TENT4B: variants seen among roughly 807,000 people sequenced by gnomAD.
TENT4B encodes PAP associated domain containing 5.
In TENT4B, 10 loss-of-function variants were observed where a neutral mutation model predicts 75.0. That is an observed-to-expected ratio of 0.13 (90% confidence interval 0.08 to 0.23). The LOEUF is 0.23. Ranked by LOEUF, TENT4B falls within the 10% of genes least tolerant of loss-of-function variation. The pLI is 1.00. For synonymous variants in TENT4B, 350 were observed against 357.7 expected, an observed-to-expected ratio of 0.98 and a Z score of 0.24; for missense variants, 579 against 893.8, an observed-to-expected ratio of 0.65 and a Z score of 4.49.
intron 1 of TENT4B, among the ~76,000 whole-genome samples, chr16:50,207,751 T>A (rs1403144898): frequency 1.3e-5 from 2 of 152,180 alleles, no homozygotes; most frequent in Admixed American, 1.3e-4. Context: ...TTCAGAGGCA[T>A]AAAATTATAT....
chr16:50,175,496 C>T (rs2038288797), intron 1 of TENT4B, among the ~76,000 whole-genome samples: 1 of 151,988 alleles, frequency 6.6e-6, no homozygotes, highest in South Asian at 2.1e-4. Flanking sequence ...TGGATTCTCT[C>T]TTTTTTTGAG....
chr16:50,189,480 C>T (rs1347347521), intron 1 of TENT4B, among the ~76,000 whole-genome samples: 3 of 152,182 alleles, frequency 2.0e-5, no homozygotes, highest in Non-Finnish European at 4.4e-5. Context: ...TCCAACTCTC[C>T]AGACAGGTCT....
At chr16:50,225,925 AC>A (rs1277251533) in intron 10 of TENT4B, among the ~76,000 whole-genome samples, 3 of 150,220 alleles carry the variant, frequency 2.0e-5, no homozygotes, top group Non-Finnish European at 4.4e-5. Context: ...CTTGTGATCC[AC>A]CCGCCTCAAC....
intron 1 of TENT4B, among the ~76,000 whole-genome samples, chr16:50,172,678 ATTTAC>A (rs1161136089): frequency 6.6e-6 from 1 of 151,976 alleles, no homozygotes; most frequent in East Asian, 1.9e-4. Flanking sequence ...AAGGTCCGTA[ATTTAC>A]TTTAGAGTTC....
Position 50,153,839 on chromosome 16 carries a change from C to A in TENT4B, c.218C>A (p.Ala73Asp). The A allele has an allele frequency of 7.9e-7, 1 of 1,272,138 alleles. No individual in the cohort carries two copies. 78.8% of individuals were successfully genotyped at this position (1,272,138 alleles called of 1,614,324 possible). Residue 73 changes from alanine (A) to aspartate (D), a missense_variant, in exon 1 of 12, where the codon GCC becomes GAC. Ala to Asp is a moderately radical substitution (Grantham distance 126). Coordinates refer to ENST00000561678, the MANE Select transcript of TENT4B (RefSeq NM_001365324.3). Reference sequence around the variant, plus strand: ...AGCACCGGCAGCCCCGGCGGCGCGGCCTCGGCCCCGGCCCCGGCCCCGGCC... The same window carrying A: ...AGCACCGGCAGCCCCGGCGGCGCGGACTCGGCCCCGGCCCCGGCCCCGGCC... ...GSSTGSPGGA[A>D]SAPAPAPAGM...
chr16:50,153,130 C>T (rs947882556), upstream of TENT4B: 22 of 822,032 alleles, frequency 2.7e-5, no homozygotes, highest in Admixed American at 8.3e-4. Context: ...CGAGGCCTCC[C>T]GGGCTGCTGC....
chr16:50,153,296 G>A (rs1340291593), upstream of TENT4B, among the ~76,000 whole-genome samples: 2 of 144,268 alleles, frequency 1.4e-5, no homozygotes, highest in Non-Finnish European at 3.1e-5. Flanking sequence ...TGCCGCCGCC[G>A]CCGCTCGCTC....
chr16:50,221,534 C>A (rs2031827271), intron 5 of TENT4B, among the ~76,000 whole-genome samples: 1 of 152,266 alleles, frequency 6.6e-6, no homozygotes, highest in Middle Eastern at 3.4e-3. Flanking sequence ...GCAGGCAGGA[C>A]TCTTGTTTGC....
intron 1 of TENT4B, among the ~76,000 whole-genome samples, chr16:50,157,476 C>T (rs1462718204): frequency 1.3e-5 from 2 of 152,232 alleles, no homozygotes; most frequent in Non-Finnish European, 2.9e-5. Context: ...GGATTTCATC[C>T]TAAAGTCTTC....
chr16:50,163,770 T>A (rs999039740), intron 1 of TENT4B, among the ~76,000 whole-genome samples: 1 of 152,076 alleles, frequency 6.6e-6, no homozygotes, highest in African/African-American at 2.4e-5. Context: ...ATATATATAT[T>A]TTATGTTTTT....
chr16:50,208,305 A>G (rs1304177187), intron 1 of TENT4B, among the ~76,000 whole-genome samples: 2 of 152,244 alleles, frequency 1.3e-5, no homozygotes, highest in Admixed American at 6.5e-5. Flanking sequence ...AGCCTGTCTT[A>G]TAAATCTATA....
In TENT4B at chr16:50,229,908, T is replaced by G. The variant is rs557349275; in HGVS notation, c.*580T>G. The G allele has an allele frequency of 1.1e-6, 1 of 924,696 alleles. No homozygotes were observed. The highest frequency in any genetic ancestry group is 1.2e-4 in the East Asian group (1 of 8,550). 57.3% of individuals were successfully genotyped at this position (924,696 alleles called of 1,614,324 possible). ...ATACTTTTTACATAACATTACTGTTTAAATTGTAAACAGATTTTTTCTCAG... is the reference window on the plus strand; with the variant it reads ...ATACTTTTTACATAACATTACTGTTGAAATTGTAAACAGATTTTTTCTCAG... On this transcript the variant is annotated 3_prime_UTR_variant, in exon 12 of 12. Coordinates refer to ENST00000561678, the MANE Select transcript of TENT4B (RefSeq NM_001365324.3).
chr16:50,166,561 A>G (rs1401758866), intron 1 of TENT4B, among the ~76,000 whole-genome samples: 2 of 152,062 alleles, frequency 1.3e-5, no homozygotes, highest in East Asian at 1.9e-4. Context: ...TCTTTTGACT[A>G]TTTTAAAATT....
intron 5 of TENT4B, among the ~76,000 whole-genome samples, chr16:50,219,093 G>GGTGT (rs145308558): frequency 2.0e-5 from 3 of 151,110 alleles, no homozygotes; most frequent in African/African-American, 7.3e-5. Flanking sequence ...CTATATTGGG[G>GGTGT]GTGTGTGTGT....
intron 1 of TENT4B, among the ~76,000 whole-genome samples, chr16:50,165,722 C>G (rs1260173279): frequency 6.6e-6 from 1 of 152,128 alleles, no homozygotes; most frequent in East Asian, 1.9e-4. Flanking sequence ...TATCTGTTTC[C>G]AAAGGTTATC....
At chr16:50,182,891 C>CTTTTTTTTTTCTTTTTTTTTTTTTTTTT (rs2038444194) in intron 1 of TENT4B, among the ~76,000 whole-genome samples, 1 of 36,458 alleles carries the variant, frequency 2.7e-5, no homozygotes, top group Non-Finnish European at 5.1e-5. Flanking sequence ...TTTATTTTAC[C>CTTTTTTTTTTCTTTTTTTTTTTTTTTTT]TTTTTTTTTT....
intron 1 of TENT4B, among the ~76,000 whole-genome samples, chr16:50,193,979 G>A (rs1420687): frequency 0.66 from 100,229 of 151,972 alleles, 35,205 homozygotes; most frequent in Non-Finnish European, 0.76. Context: ...TTATAGATGC[G>A]GAGACTGAGA....
In TENT4B at chr16:50,232,779, GACTAC is replaced by G. The variant is rs1207690814; in HGVS notation, c.*3453_*3457del. On this transcript the variant is annotated 3_prime_UTR_variant, in exon 12 of 12. Coordinates refer to ENST00000561678, the MANE Select transcript of TENT4B (RefSeq NM_001365324.3). ...TGTTGCTGATACTTTTATTGGTCAT[GACTAC>G]ATCTCAGTTTTACTTTAATATTGAT... 7.2e-5 allele frequency: 71 copies of G among 985,136 alleles called. No homozygotes were observed. Among genetic ancestry groups the G allele is most frequent in the Non-Finnish European group, 8.6e-5 (71 of 829,794 alleles). 61.0% of individuals were successfully genotyped at this position (985,136 alleles called of 1,614,324 possible).
At chr16:50,168,060 T>A (rs949634477) in intron 1 of TENT4B, among the ~76,000 whole-genome samples, 1 of 151,966 alleles carries the variant, frequency 6.6e-6, no homozygotes, top group East Asian at 1.9e-4. Context: ...GAAATGACTC[T>A]TGTTTCCTCA....
Sources: allele counts gnomAD v4.1 joint callset (sites outside exome capture counted in the v4.1 genomes callset), GRCh38; gene constraint gnomAD v4.1.1; transcripts MANE v1.5; gene names NCBI Gene and HGNC (gene_info 2026-07-23, HGNC 2026-07-21).